DOCK1: variants seen among roughly 807,000 people sequenced by gnomAD.
DOCK1 encodes the protein dedicator of cytokinesis protein 1.
Under a neutral mutation model 262.7 loss-of-function variants are expected in DOCK1, and 138 were observed. The observed-to-expected ratio is 0.53, with a 90% CI of 0.46 to 0.61. DOCK1 has a LOEUF of 0.61. Ranked by LOEUF, DOCK1 falls within the 20% of genes least tolerant of loss-of-function variation. DOCK1 has a pLI of 0.00. For synonymous variants in DOCK1, 866 were observed against 867.4 expected (o/e 1.00, Z 0.03); for missense variants, 1,908 against 2,370.7 (o/e 0.80, Z 4.05).
intron 31 of DOCK1, among the ~76,000 whole-genome samples, chr10:127,344,930 G>A (rs2063567384): frequency 6.6e-6 from 1 of 152,162 alleles, no homozygotes; most frequent in South Asian, 2.1e-4. Flanking sequence ...CAGACTACAT[G>A]CTGTATTTTT....
intron 14 of DOCK1, among the ~76,000 whole-genome samples, chr10:127,024,271 A>G (rs542177269): frequency 1.2e-3 from 190 of 152,262 alleles, no homozygotes; most frequent in African/African-American, 4.1e-3. Flanking sequence ...TGCCCTTGCC[A>G]CTGGTCTTTC....
rs763926289 is a variant in DOCK1 at position 126,905,478 on chromosome 10, C to G, written c.-40C>G. On this transcript the variant is annotated 5_prime_UTR_variant, in exon 1 of 52. Transcript: ENST00000623213. Reference sequence around the variant, plus strand: ...GGAATGGAAAATGGCGGCCTAGACGCGGAGTTTCCTGCCCGACCCGCGGCG... The same window carrying G: ...GGAATGGAAAATGGCGGCCTAGACGGGGAGTTTCCTGCCCGACCCGCGGCG... 53 of 518,856 alleles carry G rather than the reference C, an allele frequency of 1.0e-4. No homozygotes were observed. The highest frequency in any genetic ancestry group is 2.5e-4 in the Admixed American group (8 of 31,570). 32.1% of individuals were successfully genotyped at this position (518,856 alleles called of 1,614,324 possible).
intron 32 of DOCK1, among the ~76,000 whole-genome samples, chr10:127,358,636 C>G (rs1348000537): frequency 6.6e-6 from 1 of 152,166 alleles, no homozygotes; most frequent in Non-Finnish European, 1.5e-5. Flanking sequence ...ATTTTTCATG[C>G]AGGGATTCCC....
chr10:127,396,994 A>C lies in DOCK1; in HGVS notation c.3928-6061A>C, dbSNP rs564721362. On this transcript the variant is annotated intron_variant, in intron 38 of 51. Transcript: ENST00000623213. Reference sequence around the variant, plus strand: ...CTCCTGTGATCTGAGCATCAGTTACACGGGCAGCGACTCCTATGTGATCTG... The same window carrying C: ...CTCCTGTGATCTGAGCATCAGTTACCCGGGCAGCGACTCCTATGTGATCTG... Among the ~76,000 whole-genome samples the C allele has an allele frequency of 1.3e-4, 17 of 133,884 alleles. No individual in the cohort carries two copies. The South Asian group carries it at 3.8e-3, about 30-fold the overall frequency. 87.8% of individuals were successfully genotyped at this position (133,884 alleles called of 152,430 possible).
At position 127,042,656 on chromosome 10, in the gene DOCK1, A is replaced by G. The variant is rs758242756; in HGVS notation, c.2042A>G (p.Asn681Ser). ...CAGGACACGTTGGATGCCCTCTTCA[A>G]CATCATGATGGAGAACTCAGAGAGT... The part of the protein sequence containing the change: ...FLQDTLDALF[N>S]IMMENSESET... Residue 681 changes from asparagine to serine, a missense_variant, in exon 20 of 52, where the codon AAC (asparagine) becomes AGC (serine). This residue lies in a region of DOCK1 where 294 missense variants were observed against 439.9 expected (regional missense o/e 0.67). Coordinates refer to ENST00000623213, the MANE Select transcript of DOCK1 (RefSeq NM_001290223.2). 1.2e-5 allele frequency: 19 copies of G among 1,614,050 alleles called. No individual in the cohort carries two copies. Among genetic ancestry groups the G allele is most frequent in the African/African-American group, 2.7e-5 (2 of 74,914 alleles).
intron 27 of DOCK1, chr10:127,137,377 G>A (rs560669088): frequency 6.5e-6 from 1 of 153,624 alleles, no homozygotes; most frequent in African/African-American, 2.4e-5. Flanking sequence ...CTCGCCCCCT[G>A]CTTATTTGCA....
intron 1 of DOCK1, among the ~76,000 whole-genome samples, chr10:126,931,073 G>A (rs1389344146): frequency 6.6e-6 from 1 of 151,930 alleles, no homozygotes; most frequent in African/African-American, 2.4e-5. Context: ...GAATTCTCTT[G>A]GGCTAGTTGC....
intron 27 of DOCK1, among the ~76,000 whole-genome samples, chr10:127,193,981 T>C (rs75864299): frequency 0.023 from 3,439 of 152,340 alleles, 55 homozygotes; most frequent in Middle Eastern, 0.048. Context: ...ATAAAGGGCC[T>C]GACTTACATG....
chr10:127,443,995 A>T, intron 49 of DOCK1, 131 bp from the exon 50 acceptor site: 1 of 1,222,700 alleles, frequency 8.2e-7, no homozygotes, highest in South Asian at 1.5e-5. Context: ...ATCATTTGCA[A>T]AGACCCTATT....
chr10:127,026,406 C>A lies in DOCK1; in HGVS notation c.1606C>A (p.His536Asn). Reference sequence around the variant, plus strand: ...CAGTCACCTTCGGTTTACCTTCCGCCACAGGTCATCACAGGACTGTGAGTA... The same window carrying A: ...CAGTCACCTTCGGTTTACCTTCCGCAACAGGTCATCACAGGACTGTGAGTA... ...NRSHLRFTFR[H>N]RSSQDSKDKS... The change falls in exon 16 of 52, where the codon CAC becomes AAC. Residue 536 changes from histidine (H) to asparagine (N), a missense_variant. Around this residue, in one of 9 missense-constraint regions of DOCK1, gnomAD observed 294 missense variants for 439.9 expected, o/e 0.67. Transcript: ENST00000623213. The A allele has an allele frequency of 1.3e-6, 2 of 1,578,210 alleles. No homozygotes were observed. Among genetic ancestry groups the A allele is most frequent in the East Asian group, 2.3e-5 (1 of 43,402 alleles).
At chr10:127,246,980 C>T (rs563259303) in intron 27 of DOCK1, among the ~76,000 whole-genome samples, 1 of 152,244 alleles carries the variant, frequency 6.6e-6, no homozygotes, top group South Asian at 2.1e-4. Context: ...CTTAAAATGT[C>T]ATTAACTTAG....
intron 23 of DOCK1, among the ~76,000 whole-genome samples, chr10:127,080,638 G>C (rs2046847028): frequency 6.6e-6 from 1 of 152,098 alleles, no homozygotes; most frequent in Non-Finnish European, 1.5e-5. Context: ...ACAGGCTCTA[G>C]GAGGAGGAAG....
intron 27 of DOCK1, among the ~76,000 whole-genome samples, chr10:127,147,396 G>A (rs964717246): frequency 5.9e-5 from 9 of 152,152 alleles, no homozygotes; most frequent in African/African-American, 1.7e-4. Flanking sequence ...CTCCCTCCAC[G>A]ATTATCTTGT....
At chr10:127,089,466 C>G (rs1001329884) in intron 23 of DOCK1, among the ~76,000 whole-genome samples, 7 of 152,090 alleles carry the variant, frequency 4.6e-5, no homozygotes, top group African/African-American at 1.7e-4. Flanking sequence ...TTCTGCTGTT[C>G]ACTCCAGCCT....
chr10:127,350,078 T>C (rs2063812564), intron 31 of DOCK1, among the ~76,000 whole-genome samples: 3 of 152,216 alleles, frequency 2.0e-5, no homozygotes, highest in Admixed American at 6.5e-5. Context: ...ACTTTTCTTT[T>C]CTTTTTTCAG....
In DOCK1 at chr10:127,052,813, T is replaced by G; in HGVS notation, c.2334T>G (p.Asn778Lys). The G allele has an allele frequency of 4.3e-6, 7 of 1,611,194 alleles. No homozygotes were observed. The highest frequency in any genetic ancestry group is 5.9e-6 in the Non-Finnish European group (7 of 1,178,416). ...TCGTGCGCTCCAGGATCCTGTTCAA[T>G]CAGTGCGTACCTATCCCCTCCATGC... ...KFIVRSRILF[N>K]QLYENKGEAD... is the part of the protein sequence containing the mutation. The change falls in exon 22 of 52, where the codon AAT (asparagine) becomes AAG (lysine). Residue 778 changes from asparagine to lysine, a missense_variant and splice_region_variant. Physicochemically the swap from Asn to Lys is moderately conservative, Grantham distance 94. Around this residue, in one of 9 missense-constraint regions of DOCK1, gnomAD observed 518 missense variants for 575.1 expected, o/e 0.90. Coordinates refer to ENST00000623213, the MANE Select transcript of DOCK1 (RefSeq NM_001290223.2).
intron 1 of DOCK1, among the ~76,000 whole-genome samples, chr10:126,958,301 G>A (rs1249742375): frequency 6.6e-6 from 1 of 152,184 alleles, no homozygotes. Flanking sequence ...TGTAGTTAGA[G>A]ATATTGGATG....
At chr10:127,182,973 C>T (rs2055875160) in intron 27 of DOCK1, among the ~76,000 whole-genome samples, 2 of 151,792 alleles carry the variant, frequency 1.3e-5, no homozygotes, top group African/African-American at 4.8e-5. Flanking sequence ...GGTGGTCTCC[C>T]TTTTTTAGAC....
chr10:126,977,479 CCT>C (rs1485169095), intron 2 of DOCK1, among the ~76,000 whole-genome samples: 1 of 152,032 alleles, frequency 6.6e-6, no homozygotes, highest in Non-Finnish European at 1.5e-5. Context: ...GAAAAAGTGC[CCT>C]GTCTTGAAGT....
Sources: allele counts gnomAD v4.1 joint callset (sites outside exome capture counted in the v4.1 genomes callset), GRCh38; gene constraint gnomAD v4.1.1; regional missense constraint gnomAD v4.1.1; transcripts MANE v1.5; gene names NCBI Gene and HGNC (gene_info 2026-07-23, HGNC 2026-07-21).